MGAT4C: variants seen among roughly 807,000 people sequenced by gnomAD.
MGAT4C encodes the protein alpha-1,3-mannosyl-glycoprotein 4-beta-N-acetylglucosaminyltransferase C.
Under a neutral mutation model 40.1 loss-of-function variants are expected in MGAT4C, and 19 were observed. The observed-to-expected ratio is 0.47, with a 90% CI of 0.33 to 0.70. MGAT4C has a LOEUF of 0.70. Ranked by LOEUF, MGAT4C falls within the 30% of genes least tolerant of loss-of-function variation. MGAT4C has a pLI of 0.02. For missense variants in MGAT4C, 491 were observed against 563.2 expected (o/e 0.87, Z 1.30); for synonymous variants, 181 against 187.1 (o/e 0.97, Z 0.27).
chr12:86,046,354 A>G (rs954227245), intron 2 of MGAT4C, among the ~76,000 whole-genome samples: 4 of 152,202 alleles, frequency 2.6e-5, no homozygotes, highest in African/African-American at 9.7e-5. Context: ...GAGTCATTTT[A>G]TACTTCAACT....
intron 2 of MGAT4C, among the ~76,000 whole-genome samples, chr12:86,588,488 G>T (rs1235744134): frequency 6.6e-6 from 1 of 152,004 alleles, no homozygotes; most frequent in South Asian, 2.1e-4. Flanking sequence ...ACATTAGACA[G>T]ATCAACAAGA....
At chr12:86,233,049 G>T (rs1951392912) in intron 1 of MGAT4C, among the ~76,000 whole-genome samples, 1 of 152,126 alleles carries the variant, frequency 6.6e-6, no homozygotes, top group South Asian at 2.1e-4. Flanking sequence ...ATTCAATGAG[G>T]CAGGTAATCG....
intron 2 of MGAT4C, among the ~76,000 whole-genome samples, chr12:86,540,096 C>T (rs1592966530): frequency 6.6e-6 from 1 of 152,130 alleles, no homozygotes; most frequent in African/African-American, 2.4e-5. Flanking sequence ...AGTCCTTGCC[C>T]ATGCCTATGT....
intron 1 of MGAT4C, among the ~76,000 whole-genome samples, chr12:86,838,421 C>G (rs1451489398): frequency 6.6e-6 from 1 of 152,114 alleles, no homozygotes; most frequent in Non-Finnish European, 1.5e-5. Flanking sequence ...ATAATGCAGC[C>G]TGCAGCACGG....
At chr12:86,807,917 T>G (rs1201874643) in intron 1 of MGAT4C, among the ~76,000 whole-genome samples, 3 of 152,142 alleles carry the variant, frequency 2.0e-5, no homozygotes, top group African/African-American at 7.2e-5. Context: ...GCTGGCCACA[T>G]GAATGTCTTC....
intron 3 of MGAT4C, among the ~76,000 whole-genome samples, chr12:86,356,230 T>C (rs1046310205): frequency 6.6e-6 from 1 of 151,892 alleles, no homozygotes; most frequent in African/African-American, 2.4e-5. Flanking sequence ...ACACCAAAAC[T>C]GACAACACTA....
intron 4 of MGAT4C, among the ~76,000 whole-genome samples, chr12:86,330,397 C>T (rs1299294975): frequency 6.6e-6 from 1 of 152,144 alleles, no homozygotes; most frequent in East Asian, 1.9e-4. Context: ...TCATGTAAAA[C>T]TTTGAATAAA....
intron 4 of MGAT4C, among the ~76,000 whole-genome samples, chr12:86,287,246 C>CCTTT (rs1953375188): frequency 6.6e-6 from 1 of 152,140 alleles, no homozygotes; most frequent in Non-Finnish European, 1.5e-5. Flanking sequence ...TTCCCCCAAT[C>CCTTT]TCTCCAGAAT....
At chr12:86,642,362 A>C (rs902716582) in intron 2 of MGAT4C, among the ~76,000 whole-genome samples, 2 of 151,878 alleles carry the variant, frequency 1.3e-5, no homozygotes, top group African/African-American at 4.8e-5. Flanking sequence ...TCATGGAAAG[A>C]AACTCTACAG....
At chr12:86,024,293 AT>A (rs139748543) in intron 2 of MGAT4C, among the ~76,000 whole-genome samples, 1,590 of 150,662 alleles carry the variant, frequency 0.011, 26 homozygotes, top group African/African-American at 0.037. Flanking sequence ...CAATTAATAC[AT>A]TTTTTTTTCT....
chr12:86,383,700 C>T (rs1955997510), intron 3 of MGAT4C, among the ~76,000 whole-genome samples: 1 of 151,912 alleles, frequency 6.6e-6, no homozygotes, highest in African/African-American at 2.4e-5. Flanking sequence ...CTCATTGTAT[C>T]CAGAAAGTAA....
chr12:86,095,833 A>G (rs946372599), intron 1 of MGAT4C, among the ~76,000 whole-genome samples: 3 of 151,888 alleles, frequency 2.0e-5, no homozygotes, highest in African/African-American at 7.2e-5. Context: ...ATCGTGTCAG[A>G]ATATACAATC....
chr12:86,320,893 TACC>T (rs1954368782), intron 4 of MGAT4C, among the ~76,000 whole-genome samples: 1 of 152,126 alleles, frequency 6.6e-6, no homozygotes, highest in South Asian at 2.1e-4. Flanking sequence ...CTCTAATCGT[TACC>T]ACATCATTTT....
chr12:86,623,199 A>G (rs578163639), intron 2 of MGAT4C, among the ~76,000 whole-genome samples: 1 of 152,250 alleles, frequency 6.6e-6, no homozygotes, highest in East Asian at 1.9e-4. Context: ...CCTGTTCAAA[A>G]TTAATAAAAA....
rs143103936 is a variant in MGAT4C at position 86,221,201 on chromosome 12, G to A, written c.-57+35038C>T. 2.8e-3 allele frequency among the ~76,000 whole-genome samples: 422 copies of A among 152,104 alleles called. 1 individual carries two copies. Among genetic ancestry groups the A allele is most frequent in the Middle Eastern group, 0.014 (4 of 294 alleles). On this transcript the variant is annotated intron_variant, in intron 1 of 4. Coordinates refer to ENST00000611864, the MANE Select transcript of MGAT4C (RefSeq NM_001351288.2). ...TTGTTAAATTTAATTCTGTTTACTC[G>A]TGGGGGCTTCTGTTAAGGAGTATAT...
intron 2 of MGAT4C, among the ~76,000 whole-genome samples, chr12:86,041,571 C>A (rs1469905070): frequency 6.6e-6 from 1 of 152,106 alleles, no homozygotes; most frequent in East Asian, 1.9e-4. Flanking sequence ...TTAATCTCAT[C>A]GTTTACCCAC....
At chr12:86,314,798 A>C (rs1009081407) in intron 4 of MGAT4C, among the ~76,000 whole-genome samples, 1 of 152,204 alleles carries the variant, frequency 6.6e-6, no homozygotes, top group Non-Finnish European at 1.5e-5. Flanking sequence ...AAGTAGGTGA[A>C]AGATCTCTAC....
chr12:86,000,623 T>C (rs1299914227), intron 2 of MGAT4C, among the ~76,000 whole-genome samples: 1 of 152,160 alleles, frequency 6.6e-6, no homozygotes, highest in Non-Finnish European at 1.5e-5. Context: ...CACAAGCTAC[T>C]CCAGAAAATA....
chr12:86,549,433 T>C (rs1385510314), intron 2 of MGAT4C, among the ~76,000 whole-genome samples: 3 of 152,210 alleles, frequency 2.0e-5, no homozygotes, highest in Non-Finnish European at 4.4e-5. Flanking sequence ...TAATTGCTTG[T>C]TATACCTATT....
Sources: gnomAD v4.1 joint callset for allele counts (sites outside exome capture counted in the v4.1 genomes callset) on GRCh38, gnomAD v4.1.1 for gene constraint, MANE v1.5 for transcripts, NCBI Gene and HGNC (gene_info 2026-07-23, HGNC 2026-07-21) for gene names.